The following FRYL variants were observed in gnomAD, a reference collection of about 807,000 sequenced individuals.
FRYL encodes protein furry homolog-like.
FRYL carries 150 observed loss-of-function variants against 351.2 expected under a neutral mutation model. The ratio of observed to expected loss-of-function variants is 0.43; its 90% CI spans 0.37 to 0.49. The LOEUF is 0.49. Ranked by LOEUF, FRYL falls within the 20% of genes least tolerant of loss-of-function variation. The probability of loss-of-function intolerance (pLI) is 0.00; values close to 1 mark genes in which losing one functional copy is unlikely to be tolerated. For missense variants in FRYL, 3,036 were observed against 3,619.3 expected, an observed-to-expected ratio of 0.84 and a Z score of 4.13; for synonymous variants, 1,153 against 1,257.1, an observed-to-expected ratio of 0.92 and a Z score of 1.75.
At chr4:48,638,808 G>C (rs1266754991) in intron 3 of FRYL, among the ~76,000 whole-genome samples, 1 of 152,074 alleles carries the variant, frequency 6.6e-6, no homozygotes, top group African/African-American at 2.4e-5. Context: ...CCTTTGCGGG[G>C]ATACGGATGA....
At chr4:48,543,114 G>C (rs1489617266) in intron 44 of FRYL, among the ~76,000 whole-genome samples, 3 of 152,126 alleles carry the variant, frequency 2.0e-5, no homozygotes, top group Non-Finnish European at 2.9e-5. Context: ...CAGGACCTTT[G>C]CACCTGTTAG....
chr4:48,550,757 T>A, intron 37 of FRYL, 53 bp from the exon 38 acceptor site: 2 of 1,207,344 alleles, frequency 1.7e-6, no homozygotes, highest in Non-Finnish European at 1.2e-6. Context: ...ATGGTATTTA[T>A]ACTTTATGTT....
chr4:48,504,897 A>AAT (rs1720573317), intron 60 of FRYL, among the ~76,000 whole-genome samples: 1 of 152,154 alleles, frequency 6.6e-6, no homozygotes, highest in Non-Finnish European at 1.5e-5. Context: ...AATCTGTAAT[A>AAT]ATATAACCAA....
At chr4:48,631,233 G>A (rs1752894640) in intron 4 of FRYL, among the ~76,000 whole-genome samples, 1 of 152,062 alleles carries the variant, frequency 6.6e-6, no homozygotes, top group Admixed American at 6.6e-5. Context: ...AGAGTAAGCA[G>A]TGATGCCTCT....
intron 37 of FRYL, 27 bp from the exon 38 acceptor site, chr4:48,550,731 C>T: frequency 6.9e-7 from 1 of 1,446,464 alleles, no homozygotes; most frequent in Non-Finnish European, 9.7e-7. Flanking sequence ...TGAAGTTAGT[C>T]ACAGTTCACG....
At chr4:48,757,247 G>A (rs1773889544) in intron 1 of FRYL, among the ~76,000 whole-genome samples, 1 of 152,154 alleles carries the variant, frequency 6.6e-6, no homozygotes, top group East Asian at 1.9e-4. Flanking sequence ...GTTCTGGCCA[G>A]GGCAGGAGAA....
At chr4:48,768,012 T>A (rs1227149310) in intron 1 of FRYL, among the ~76,000 whole-genome samples, 1 of 152,234 alleles carries the variant, frequency 6.6e-6, no homozygotes, top group Non-Finnish European at 1.5e-5. Flanking sequence ...TTGGCCCTTC[T>A]AATAATTCGG....
chr4:48,582,384 T>G, intron 20 of FRYL, 113 bp downstream of exon 20: 1 of 694,816 alleles, frequency 1.4e-6, no homozygotes, highest in Admixed American at 2.7e-5. Context: ...ACATTGAGAG[T>G]GAATAGAACT....
intron 38 of FRYL, among the ~76,000 whole-genome samples, chr4:48,550,304 T>TA (rs71191235): frequency 0.25 from 38,371 of 151,922 alleles, 5,116 homozygotes; most frequent in South Asian, 0.39. Flanking sequence ...GCAATCCTGC[T>TA]AAAAAAAATC....
chr4:48,733,307 A>C (rs972488410), intron 1 of FRYL, among the ~76,000 whole-genome samples: 21 of 151,652 alleles, frequency 1.4e-4, no homozygotes, highest in African/African-American at 3.1e-4. Flanking sequence ...AAAAAAAAAA[A>C]CCCCACCAGC....
intron 13 of FRYL, among the ~76,000 whole-genome samples, chr4:48,599,995 T>C (rs755982429): frequency 4.6e-5 from 7 of 151,892 alleles, no homozygotes; most frequent in Non-Finnish European, 8.8e-5. Context: ...TAATCCCAGC[T>C]ACTCAGTAGG....
chr4:48,632,100 A>ATATATATATATATATATGTATG (rs1753243031), intron 4 of FRYL, among the ~76,000 whole-genome samples: 13 of 29,312 alleles, frequency 4.4e-4, no homozygotes, highest in South Asian at 1.5e-3. Context: ...AAATATATAT[A>ATATATATATATATATATGTATG]TATATATATA....
At chr4:48,518,587 G>A (rs1160427510) in intron 55 of FRYL, among the ~76,000 whole-genome samples, 1 of 151,278 alleles carries the variant, frequency 6.6e-6, no homozygotes, top group Non-Finnish European at 1.5e-5. Flanking sequence ...TGTGACACAT[G>A]TCATGACAGT....
intron 9 of FRYL, 64 bp from the exon 10 acceptor site, chr4:48,606,670 AAGGG>A: frequency 7.4e-7 from 1 of 1,357,054 alleles, no homozygotes; most frequent in Non-Finnish European, 1.0e-6. Flanking sequence ...CATGATATTT[AAGGG>A]TAAAAATCAA....
At chr4:48,572,865 C>T (rs1738655443) in intron 26 of FRYL, among the ~76,000 whole-genome samples, 1 of 152,174 alleles carries the variant, frequency 6.6e-6, no homozygotes, top group African/African-American at 2.4e-5. Context: ...TTTACGAACG[C>T]TTTCATGCTA....
intron 1 of FRYL, among the ~76,000 whole-genome samples, chr4:48,746,742 G>A (rs1027455334): frequency 1.3e-5 from 2 of 152,012 alleles, no homozygotes; most frequent in African/African-American, 2.4e-5. Flanking sequence ...TGCTATGCAC[G>A]TACCTATGAC....
At chr4:48,546,005 TG>T in intron 42 of FRYL, 61 bp downstream of exon 42, 1 of 1,445,620 alleles carries the variant, frequency 6.9e-7, no homozygotes, top group South Asian at 1.2e-5. Context: ...TCATAATACC[TG>T]ATCAATGAAA....
chr4:48,609,767 A>T lies in FRYL; in HGVS notation c.468T>A (p.Phe156Leu). ...PLVHEVLNLA[F>L]KHFKHKEGYS... ...ACCCTTCCTTATGTTTAAAGTGCTT[A>T]AAAGCTAAGTTTAGAACTTCATGAA... Residue 156 changes from phenylalanine (F) to leucine (L), a missense_variant, in exon 8 of 64, where the codon TTT becomes TTA. By Grantham distance (22) the Phe-to-Leu change is conservative. Around this residue, in one of 7 missense-constraint regions of FRYL, gnomAD observed 457 missense variants for 566.6 expected, o/e 0.81. Transcript: ENST00000358350. 1 of 1,588,568 alleles carries T rather than the reference A, an allele frequency of 6.3e-7. No individual in the cohort carries two copies. The highest frequency in any genetic ancestry group is 8.6e-7 in the Non-Finnish European group (1 of 1,164,102).
At chr4:48,674,283 A>C (rs1763187494) in intron 3 of FRYL, among the ~76,000 whole-genome samples, 1 of 152,206 alleles carries the variant, frequency 6.6e-6, no homozygotes, top group South Asian at 2.1e-4. Flanking sequence ...GAATATAGAT[A>C]ATATAAGTTC....
Sources: gnomAD v4.1 joint callset for allele counts (sites outside exome capture counted in the v4.1 genomes callset) on GRCh38, gnomAD v4.1.1 for gene constraint, gnomAD v4.1.1 regional missense constraint, MANE v1.5 for transcripts, NCBI Gene and HGNC (gene_info 2026-07-23, HGNC 2026-07-21) for gene names.